The following COL5A3 variants were observed in gnomAD, a reference collection of about 807,000 sequenced individuals.
COL5A3 encodes the protein collagen alpha-3(V) chain.
Under a neutral mutation model 250.0 loss-of-function variants are expected in COL5A3, and 172 were observed. That is an observed-to-expected ratio of 0.69 (90% CI 0.61 to 0.78). The LOEUF (loss-of-function observed/expected upper bound fraction) is 0.78, where lower values mean the gene tolerates loss of function less well. Ranked by LOEUF, COL5A3 falls within the 30% of genes least tolerant of loss-of-function variation. The pLI is 0.00. For missense variants in COL5A3, 2,340 were observed against 2,334.4 expected, an observed-to-expected ratio of 1.00 and a Z score of -0.05; for synonymous variants, 937 against 900.4, an observed-to-expected ratio of 1.04 and a Z score of -0.73.
chr19:9,973,677 G>T, intron 49 of COL5A3, 54 bp from the exon 50 acceptor site: 1 of 1,610,930 alleles, frequency 6.2e-7, no homozygotes, highest in South Asian at 1.1e-5. Context: ...AGACAGGGAG[G>T]GGCTCCCCAG....
chr19:9,978,530 TC>T, intron 41 of COL5A3, 43 bp downstream of exon 41: 1 of 1,330,608 alleles, frequency 7.5e-7, no homozygotes. Context: ...ACACCTTGAG[TC>T]CCCTCCACCC....
chr19:9,986,030 T>C, intron 30 of COL5A3, 135 bp from the exon 31 acceptor site: 1 of 793,246 alleles, frequency 1.3e-6, no homozygotes, highest in Non-Finnish European at 2.1e-6. Flanking sequence ...TCCTTGCTCC[T>C]GCCTGCTAGG....
rs780631895 is a variant in COL5A3 at position 9,974,426 on chromosome 19, G to C, written c.3343-18C>G. On this transcript the variant is annotated intron_variant, in intron 45 of 66. Transcript: ENST00000264828. ...TCTGCTCCCTGGAAGAACACAAACA[G>C]GGGCACATTTAAGGTCTGGGTCAGT... 6.4e-7 allele frequency: 1 copy of C among 1,556,976 alleles called. No homozygotes were observed. The highest frequency in any genetic ancestry group is 2.0e-5 in the Admixed American group (1 of 50,362).
At chr19:10,007,523 G>T (rs550493327) in intron 1 of COL5A3, among the ~76,000 whole-genome samples, 2 of 152,388 alleles carry the variant, frequency 1.3e-5, no homozygotes, top group African/African-American at 4.8e-5. Context: ...GCAGGGGCGG[G>T]TGGGGGCTTC....
Position 9,969,360 on chromosome 19 carries a change from G to C in COL5A3, c.4141C>G (p.Pro1381Ala), listed in dbSNP as rs1352854835. ...LLGAPGQMGP[P>A]GPLGPSGLPG... is the part of the protein sequence containing the mutation. ...AACAAGTCTCTTACCAGGGGGCCAG[G>C]AGGGCCCATCTGTCCAGGGGCTCCC... The change falls in exon 57 of 67, where the codon CCT (proline) becomes GCT (alanine). Residue 1381 changes from proline to alanine, a missense_variant. Around this residue, in one of 3 missense-constraint regions of COL5A3, gnomAD observed 1,179 missense variants for 1,162.6 expected, o/e 1.01. Coordinates refer to ENST00000264828, the MANE Select transcript of COL5A3 (RefSeq NM_015719.4). 6.2e-7 allele frequency: 1 copy of C among 1,600,764 alleles called. No individual in the cohort carries two copies. Among genetic ancestry groups the C allele is most frequent in the Admixed American group, 1.8e-5 (1 of 56,264 alleles).
rs2145123115 is a variant in COL5A3 at position 9,993,171 on chromosome 19, G to A, written c.1750-104C>T. 8.5e-6 allele frequency: 11 copies of A among 1,287,614 alleles called. No individual in the cohort carries two copies. The South Asian group carries it at 1.4e-4, about 17-fold the overall frequency. The allele number at this position is 1,287,614 out of a possible 1,614,324, so 79.8% of individuals were successfully genotyped here. On this transcript the variant is annotated intron_variant, in intron 19 of 66. Coordinates refer to ENST00000264828, the MANE Select transcript of COL5A3 (RefSeq NM_015719.4). ...TCCAGGGGGTCTCGGAATTAGACCAGGATCCCTGGGAACCTGCAGACTAAG... is the reference window on the plus strand; with the variant it reads ...TCCAGGGGGTCTCGGAATTAGACCAAGATCCCTGGGAACCTGCAGACTAAG...
In COL5A3 at chr19:10,010,400, C is replaced by A; in HGVS notation, c.-15G>T. On this transcript the variant is annotated 5_prime_UTR_variant, in exon 1 of 67. Transcript: ENST00000264828. ...CGGTTCCCCATCCCGGCGGGGCCCA[C>A]GGGCAAGGCGGGGAACCAGTCGGGG... 1 of 1,405,264 alleles carries A rather than the reference C, an allele frequency of 7.1e-7. No homozygotes were observed. 87.0% of individuals were successfully genotyped at this position (1,405,264 alleles called of 1,614,324 possible). A position where few individuals can be genotyped will look rare whatever the true frequency, so the allele number is the denominator to read the frequency against.
chr19:9,997,338 T>C, intron 11 of COL5A3, 33 bp downstream of exon 11: 1 of 1,545,964 alleles, frequency 6.5e-7, no homozygotes, highest in African/African-American at 1.4e-5. Context: ...CTCACTCCTC[T>C]GAGAAGTGTA....
intron 65 of COL5A3, 51 bp downstream of exon 65, chr19:9,962,768 T>A: frequency 2.1e-6 from 3 of 1,418,408 alleles, no homozygotes; most frequent in South Asian, 1.2e-5. Context: ...ACCCCCCTGC[T>A]GGTTCCCATC....
Position 9,986,388 on chromosome 19 carries a change from T to A in COL5A3, c.2279A>T (p.Asp760Val). 1 of 1,611,226 alleles carries A rather than the reference T, an allele frequency of 6.2e-7. No individual in the cohort carries two copies. Among genetic ancestry groups the A allele is most frequent in the Non-Finnish European group, 8.5e-7 (1 of 1,179,850 alleles). Residue 760 changes from aspartate (D) to valine (V), a missense_variant, in exon 30 of 67, where the codon GAT (aspartate) becomes GTT (valine). Asp to Val is a radical substitution (Grantham distance 152). Coordinates refer to ENST00000264828, the MANE Select transcript of COL5A3 (RefSeq NM_015719.4). ...CTGCCCCTTCGGCCCCTCAGGACCA[T>A]CCTCTCCCCGGGGACCTGGAGCTCC... is the stretch of plus-strand genomic sequence containing the variant. ...KPGAPGPRGE[D>V]GPEGPKGQAG...
Position 9,967,292 on chromosome 19 carries a change from C to CCT in COL5A3, c.4458+53_4458+54dup. The CCT allele has an allele frequency of 3.1e-6, 4 of 1,304,668 alleles. No homozygotes were observed. In the Middle Eastern group the frequency reaches 9.1e-4, roughly 298 times the overall value. The allele number at this position is 1,304,668 out of a possible 1,614,324, so 80.8% of individuals were successfully genotyped here. Reference sequence around the variant, plus strand: ...CCCTCTGGGGACACCCAGACATAGTCCTTGCTCTCCCCCCAGGTTTTGGTG... The same window carrying CCT: ...CCCTCTGGGGACACCCAGACATAGTCCTCTTGCTCTCCCCCCAGGTTTTGGTG... On this transcript the variant is annotated intron_variant, in intron 62 of 66. Transcript: ENST00000264828.
chr19:9,960,213 G>A lies in COL5A3; in HGVS notation c.*198C>T. On this transcript the variant is annotated 3_prime_UTR_variant, in exon 67 of 67. Transcript: ENST00000264828. ...TATGCCACCTGGAATGGGGTGAGAG[G>A]AGGCTGGACCCTTGGGCCAGGGAAC... 1 of 642,774 alleles carries A rather than the reference G, an allele frequency of 1.6e-6. No homozygotes were observed. The highest frequency in any genetic ancestry group is 2.8e-5 in the East Asian group (1 of 36,124). 39.8% of individuals were successfully genotyped at this position (642,774 alleles called of 1,614,324 possible). A position where few individuals can be genotyped will look rare whatever the true frequency, so the allele number is the denominator to read the frequency against.
intron 39 of COL5A3, 48 bp downstream of exon 39, chr19:9,979,084 G>C (rs774156674): frequency 6.7e-7 from 1 of 1,490,184 alleles, no homozygotes. Flanking sequence ...CTGAGTCCTT[G>C]GTTGATCTTG....
At position 10,009,158 on chromosome 19, in the gene COL5A3, TGTG is replaced by T. The variant is rs2087486591; in HGVS notation, c.88+1137_88+1139del. Among the ~76,000 whole-genome samples the T allele has an allele frequency of 1.0e-5, 1 of 97,626 alleles. No individual in the cohort carries two copies. The highest frequency in any genetic ancestry group is 1.1e-4 in the Admixed American group (1 of 8,830). The allele number at this position is 97,626 out of a possible 152,430, so 64.0% of individuals were successfully genotyped here. On this transcript the variant is annotated intron_variant, in intron 1 of 66. Coordinates refer to ENST00000264828, the MANE Select transcript of COL5A3 (RefSeq NM_015719.4). This position sits in a 1 kb window ranked among gnomAD's most constrained non-coding sequence, Gnocchi z 4.4. ...CTGGACTCCAAAGTAAGAAGTGTGCTGTGGTGTGTGTGTGTGTGTGTGTGTGTG... is the reference window on the plus strand; with the variant it reads ...CTGGACTCCAAAGTAAGAAGTGTGCTGTGTGTGTGTGTGTGTGTGTGTGTG...
chr19:9,989,056 A>G, intron 27 of COL5A3, 68 bp downstream of exon 27: 2 of 1,513,154 alleles, frequency 1.3e-6, no homozygotes, highest in African/African-American at 1.4e-5. Context: ...GAAGTTTCTG[A>G]TGGAGCTGCA....
At chr19:9,986,882 GCA>G in intron 27 of COL5A3, 124 bp from the exon 28 acceptor site, 63 of 1,015,048 alleles carry the variant, frequency 6.2e-5, no homozygotes, top group Non-Finnish European at 8.5e-5. Context: ...GCTGGGAGGG[GCA>G]GCTTCAGAAG....
chr19:9,969,789 C>A, intron 55 of COL5A3, 80 bp downstream of exon 55: 1 of 1,585,922 alleles, frequency 6.3e-7, no homozygotes, highest in South Asian at 1.1e-5. Context: ...ACAGAGTGGT[C>A]ATAGGTCCAC....
chr19:9,999,629 TA>T (rs1464866103), intron 8 of COL5A3, among the ~76,000 whole-genome samples: 3 of 131,838 alleles, frequency 2.3e-5, no homozygotes, highest in African/African-American at 9.4e-5. Flanking sequence ...CACGCCCAGC[TA>T]ATTTTTTTGT....
Position 9,983,594 on chromosome 19 carries a change from AAGAAAGAGAAAG to A in COL5A3, c.2407-1488_2407-1477del, listed in dbSNP as rs59588473. Among the ~76,000 whole-genome samples the A allele has an allele frequency of 1.3e-3, 101 of 76,486 alleles. 4 individuals are homozygous for A. Among genetic ancestry groups the A allele is most frequent in the African/African-American group, 4.3e-3 (80 of 18,774 alleles). 50.2% of individuals were successfully genotyped at this position (76,486 alleles called of 152,430 possible). ...AAAGAAAGAAAGAAAGAAAGAAAGA[AAGAAAGAGAAAG>A]AGAGAGAGAGAGAAAGAAAGAAAGA... On this transcript the variant is annotated intron_variant, in intron 31 of 66. Transcript: ENST00000264828.
Sources: gnomAD v4.1 joint callset for allele counts (sites outside exome capture counted in the v4.1 genomes callset) on GRCh38, gnomAD v4.1.1 for gene constraint, gnomAD v4.1.1 regional missense constraint, Gnocchi (gnomAD v3.1) non-coding constraint, MANE v1.5 for transcripts, NCBI Gene and HGNC (gene_info 2026-07-23, HGNC 2026-07-21) for gene names.